NPY2R: variants seen among roughly 807,000 people sequenced by gnomAD.
NPY2R encodes neuropeptide Y receptor type 2.
A neutral mutation model predicts 22.3 loss-of-function variants in NPY2R; 17 were observed. The observed-to-expected ratio is 0.76, with a 90% CI of 0.52 to 1.14. The LOEUF is 1.14. Ranked by LOEUF, NPY2R falls within the 50% of genes most tolerant of loss-of-function variation. The pLI is 0.00. For missense variants in NPY2R, 424 were observed against 467.9 expected, an observed-to-expected ratio of 0.91 and a Z score of 0.87; for synonymous variants, 209 against 183.4, an observed-to-expected ratio of 1.14 and a Z score of -1.13.
upstream of NPY2R, among the ~76,000 whole-genome samples, chr4:155,203,826 T>C (rs1398902082): frequency 6.6e-6 from 1 of 152,208 alleles, no homozygotes; most frequent in Non-Finnish European, 1.5e-5. Flanking sequence ...CTAAATACCA[T>C]AACTACATGT....
chr4:155,179,965 C>T, the NPY2R span, among the ~76,000 whole-genome samples: 2 of 150,928 alleles, frequency 1.3e-5, no homozygotes, highest in African/African-American at 4.9e-5. Context: ...AAGTCCTATA[C>T]TTTCTATTGT....
At chr4:155,177,376 G>A in the NPY2R span, among the ~76,000 whole-genome samples, 2 of 152,172 alleles carry the variant, frequency 1.3e-5, no homozygotes, top group South Asian at 4.1e-4. Context: ...AGAAGAAAGG[G>A]CTAATGGGTA....
the NPY2R span, among the ~76,000 whole-genome samples, chr4:155,180,239 T>C: frequency 6.6e-6 from 1 of 152,112 alleles, no homozygotes; most frequent in Non-Finnish European, 1.5e-5. Flanking sequence ...TACTTTCACA[T>C]GGAAGCAGAA....
the NPY2R span, among the ~76,000 whole-genome samples, chr4:155,192,867 T>C: frequency 1.3e-5 from 2 of 151,938 alleles, no homozygotes; most frequent in African/African-American, 4.8e-5. Context: ...GTGTAGGCTG[T>C]AGAAGGACAA....
At chr4:155,190,530 TA>T in the NPY2R span, among the ~76,000 whole-genome samples, 1 of 151,906 alleles carries the variant, frequency 6.6e-6, no homozygotes, top group Non-Finnish European at 1.5e-5. Context: ...TAGAGTAAAA[TA>T]AAAGGAGGGT....
At chr4:155,195,111 T>G in the NPY2R span, among the ~76,000 whole-genome samples, 4 of 151,958 alleles carry the variant, frequency 2.6e-5, no homozygotes, top group Non-Finnish European at 5.9e-5. Context: ...ACAAATAATT[T>G]TATCAGTGTA....
chr4:155,200,995 T>C, the NPY2R span, among the ~76,000 whole-genome samples: 15 of 151,580 alleles, frequency 9.9e-5, no homozygotes, highest in African/African-American at 3.2e-4. Flanking sequence ...CGCTCTGCAC[T>C]TGTATCCTGG....
the NPY2R span, among the ~76,000 whole-genome samples, chr4:155,175,462 T>A: frequency 0.06 from 9,131 of 152,236 alleles, 311 homozygotes; most frequent in Middle Eastern, 0.095. Context: ...TGGTCATGCT[T>A]TTCAATATCC....
chr4:155,212,723 A>G (rs1729432123), intron 1 of NPY2R, among the ~76,000 whole-genome samples: 1 of 152,248 alleles, frequency 6.6e-6, no homozygotes, highest in Admixed American at 6.5e-5. Context: ...CCAATGTTGT[A>G]GAAACGATGA....
chr4:155,181,565 GAGA>G, the NPY2R span, among the ~76,000 whole-genome samples: 1 of 152,100 alleles, frequency 6.6e-6, no homozygotes, highest in African/African-American at 2.4e-5. Context: ...GAGACTTTGG[GAGA>G]AGATTAGATC....
the NPY2R span, among the ~76,000 whole-genome samples, chr4:155,191,515 A>G: frequency 6.6e-6 from 1 of 151,938 alleles, no homozygotes; most frequent in Non-Finnish European, 1.5e-5. Context: ...ATAGTGAGGT[A>G]CACTGAAGTA....
In NPY2R at chr4:155,215,145, T is replaced by C; in HGVS notation, c.*60T>C. On this transcript the variant is annotated 3_prime_UTR_variant, in exon 2 of 2. Coordinates refer to ENST00000329476, the MANE Select transcript of NPY2R (RefSeq NM_000910.4). ...TGACCAGAGCTATGAATCTGGTTGA[T>C]GGCGGCTCACAAGTGAAAACTGATT... The C allele has an allele frequency of 6.8e-7, 1 of 1,462,552 alleles. No homozygotes were observed. The highest frequency in any genetic ancestry group is 9.6e-7 in the Non-Finnish European group (1 of 1,044,128). 90.6% of individuals were successfully genotyped at this position (1,462,552 alleles called of 1,614,324 possible). A position where few individuals can be genotyped will look rare whatever the true frequency, so the allele number is the denominator to read the frequency against.
At chr4:155,187,549 C>T in the NPY2R span, among the ~76,000 whole-genome samples, 4 of 151,824 alleles carry the variant, frequency 2.6e-5, no homozygotes, top group South Asian at 2.1e-4. Context: ...TCAGGAGCAG[C>T]GTGAGAGAGA....
chr4:155,183,946 T>C, the NPY2R span, among the ~76,000 whole-genome samples: 5 of 152,188 alleles, frequency 3.3e-5, no homozygotes, highest in African/African-American at 1.2e-4. Context: ...ATGACAACTG[T>C]AAGTTCCATC....
In NPY2R at chr4:155,208,780, T is replaced by G. The variant is rs979538446; in HGVS notation, c.-338T>G. 1 of 152,278 alleles carries G rather than the reference T, an allele frequency of 6.6e-6. No homozygotes were observed. The highest frequency in any genetic ancestry group is 1.5e-5 in the Non-Finnish European group (1 of 68,142). The allele number at this position is 152,278 out of a possible 1,614,324, so 9.4% of individuals were successfully genotyped here. On this transcript the variant is annotated 5_prime_UTR_variant, in exon 1 of 2. Coordinates refer to ENST00000329476, the MANE Select transcript of NPY2R (RefSeq NM_000910.4). The surrounding 1 kb of genome is among the most constrained non-coding windows in gnomAD (Gnocchi z 5.6). ...TTGCCCCCCTCCCCACGCTCCCATC[T>G]CTGATCCTCCCACCTTCACCCGCCC...
rs1384114412 is a variant in NPY2R, at chr4:155,216,665, C to A, written c.*1580C>A. ...GATATAAAGGACTGGTTTTTAAGTG[C>A]ACTGCACTTCTGGAATACTGAAAAA... On this transcript the variant is annotated 3_prime_UTR_variant, in exon 2 of 2. Transcript: ENST00000329476. 1 of 166,880 alleles carries A rather than the reference C, an allele frequency of 6.0e-6. No homozygotes were observed. Among genetic ancestry groups the A allele is most frequent in the Non-Finnish European group, 1.5e-5 (1 of 68,064 alleles). The allele number at this position is 166,880 out of a possible 1,614,324, so 10.3% of individuals were successfully genotyped here. A position where few individuals can be genotyped will look rare whatever the true frequency, so the allele number is the denominator to read the frequency against.
At chr4:155,191,938 G>A in the NPY2R span, among the ~76,000 whole-genome samples, 1 of 151,792 alleles carries the variant, frequency 6.6e-6, no homozygotes, top group Non-Finnish European at 1.5e-5. Context: ...AGGGCAATAT[G>A]GATTCTAAAA....
At chr4:155,189,596 T>A in the NPY2R span, among the ~76,000 whole-genome samples, 70,791 of 151,756 alleles carry the variant, frequency 0.47, 17,217 homozygotes, top group East Asian at 0.69. Context: ...GTAGCATTTT[T>A]ATAAGTTATA....
the NPY2R span, among the ~76,000 whole-genome samples, chr4:155,180,489 T>A: frequency 4.6e-5 from 7 of 152,270 alleles, no homozygotes; most frequent in South Asian, 2.1e-4. Flanking sequence ...TCTTTCATTA[T>A]TATACTTCTT....
Sources: allele counts gnomAD v4.1 joint callset (sites outside exome capture counted in the v4.1 genomes callset), GRCh38; gene constraint gnomAD v4.1.1; non-coding constraint Gnocchi (gnomAD v3.1); transcripts MANE v1.5; gene names NCBI Gene and HGNC (gene_info 2026-07-23, HGNC 2026-07-21).